DNAJC6: variants seen among roughly 807,000 people sequenced by gnomAD.
The protein encoded by DNAJC6 is DnaJ heat shock protein family (Hsp40) member C6, also known as auxilin.
Under a neutral mutation model 110.0 loss-of-function variants are expected in DNAJC6, and 34 were observed. The ratio of observed to expected loss-of-function variants is 0.31; its 90% CI spans 0.24 to 0.41. The LOEUF (loss-of-function observed/expected upper bound fraction) is 0.41. DNAJC6 is among the 10% of genes least tolerant of loss of function. The pLI is 1.00. For missense variants in DNAJC6, 1,031 were observed against 1,207.8 expected (o/e 0.85, Z 2.17); for synonymous variants, 406 against 437.2 (o/e 0.93, Z 0.89).
At chr1:65,327,945 G>A (rs74622429) in intron 1 of DNAJC6, among the ~76,000 whole-genome samples, 9,007 of 152,122 alleles carry the variant, frequency 0.059, 308 homozygotes, top group Non-Finnish European at 0.079. Context: ...GAACTCCTGG[G>A]CACAAGCAAT....
intron 13 of DNAJC6, among the ~76,000 whole-genome samples, chr1:65,397,604 GT>G (rs1198272837): frequency 6.6e-6 from 1 of 152,104 alleles, no homozygotes; most frequent in East Asian, 1.9e-4. Context: ...GGGTTTGTGG[GT>G]TTGATTAGCA....
In DNAJC6 at chr1:65,406,137, A is replaced by G. The variant is rs749114166; in HGVS notation, c.2491+4A>G. On this transcript the variant is annotated splice_donor_region_variant and intron_variant, in intron 16 of 18. Coordinates refer to ENST00000371069, the MANE Select transcript of DNAJC6 (RefSeq NM_001256864.2). ...GGGAAAGGATCAAGTAATTTGGGTA[A>G]GGATAATGGTATGGGACCTAGCTAT... The G allele has an allele frequency of 1.1e-5, 18 of 1,612,486 alleles. No individual in the cohort carries two copies. In the South Asian group the frequency reaches 2.0e-4, roughly 18 times the overall value.
Position 65,309,772 on chromosome 1 carries a change from A to ACGATGGTT in DNAJC6, c.27_28insCGATGGTT (p.Lys10ArgfsTer22). On this transcript the variant is annotated frameshift_variant, in exon 1 of 19. Coordinates refer to ENST00000371069, the MANE Select transcript of DNAJC6 (RefSeq NM_001256864.2). LOFTEE classifies it high-confidence loss of function. The stretch of plus-strand genomic sequence containing the variant: ...TGAGCCTCCTCGGGAGCTACCGGAA[A>ACGATGGTT]AAGACCAGCAACGATGGTTATGAAT... 2 of 1,547,890 alleles carry ACGATGGTT rather than the reference A, an allele frequency of 1.3e-6. No homozygotes were observed. The highest frequency in any genetic ancestry group is 1.7e-6 in the Non-Finnish European group (2 of 1,145,802).
chr1:65,354,588 C>T (rs1055040768), intron 1 of DNAJC6, among the ~76,000 whole-genome samples: 1 of 152,036 alleles, frequency 6.6e-6, no homozygotes, highest in Non-Finnish European at 1.5e-5. Flanking sequence ...TGTGATTCTC[C>T]CATAGCTTGG....
chr1:65,366,666 G>C (rs2101560439), intron 4 of DNAJC6, among the ~76,000 whole-genome samples: 1 of 152,194 alleles, frequency 6.6e-6, no homozygotes, highest in South Asian at 2.1e-4. Context: ...TTTTGAACTA[G>C]AGAGAGAAAT....
chr1:65,397,484 A>C (rs997696635), intron 13 of DNAJC6, among the ~76,000 whole-genome samples: 1 of 152,220 alleles, frequency 6.6e-6, no homozygotes, highest in African/African-American at 2.4e-5. Context: ...CCTTTTTGAA[A>C]AAATATATTC....
chr1:65,308,333 C>T (rs756725257), upstream of DNAJC6, among the ~76,000 whole-genome samples: 53 of 152,142 alleles, frequency 3.5e-4, no homozygotes, highest in Non-Finnish European at 6.9e-4. Flanking sequence ...TGACTCTTGA[C>T]GGGCGCCTCA....
In DNAJC6 at chr1:65,415,800, A is replaced by C. The variant is rs1352793711; in HGVS notation, c.*2775A>C. 1 of 151,918 alleles carries C rather than the reference A, an allele frequency of 6.6e-6. No homozygotes were observed. Among genetic ancestry groups the C allele is most frequent in the Non-Finnish European group, 1.5e-5 (1 of 67,940 alleles). 9.4% of individuals were successfully genotyped at this position (151,918 alleles called of 1,614,324 possible). A position where few individuals can be genotyped will look rare whatever the true frequency, so the allele number is the denominator to read the frequency against. ...ACACAGTCTGTGTAGGGAATGAGCA[A>C]AAAAGTTGAATTCCAATTGCTTTTT... On this transcript the variant is annotated 3_prime_UTR_variant, in exon 19 of 19. Coordinates refer to ENST00000371069, the MANE Select transcript of DNAJC6 (RefSeq NM_001256864.2).
intron 5 of DNAJC6, among the ~76,000 whole-genome samples, chr1:65,382,042 A>T (rs563346883): frequency 8.0e-4 from 122 of 152,098 alleles, no homozygotes; most frequent in Non-Finnish European, 1.5e-3. Flanking sequence ...AAGAGAGGAG[A>T]TTTTTTCCCA....
In DNAJC6 at chr1:65,401,747, T is replaced by G; in HGVS notation, c.2108-14T>G. The G allele has an allele frequency of 6.2e-7, 1 of 1,606,368 alleles. No homozygotes were observed. Among genetic ancestry groups the G allele is most frequent in the Non-Finnish European group, 8.5e-7 (1 of 1,178,396 alleles). ...ACAACTAACTCATTTTCAATGACCT[T>G]ATTTCCTTTTCAGGAGGCTTTGGAA... On this transcript the variant is annotated splice_polypyrimidine_tract_variant and intron_variant, in intron 14 of 18. Transcript: ENST00000371069.
chr1:65,396,710 CA>C (rs1437214153), intron 13 of DNAJC6, among the ~76,000 whole-genome samples: 1 of 152,152 alleles, frequency 6.6e-6, no homozygotes, highest in African/African-American at 2.4e-5. Flanking sequence ...TTATGTGTTA[CA>C]TTTTTTTGTC....
intron 1 of DNAJC6, among the ~76,000 whole-genome samples, chr1:65,316,570 G>A (rs1645150788): frequency 6.6e-6 from 1 of 152,134 alleles, no homozygotes; most frequent in Non-Finnish European, 1.5e-5. Context: ...TTTATTAGGA[G>A]CCTGATAAAT....
chr1:65,345,665 A>G (rs1645430488), intron 1 of DNAJC6: 1 of 926,688 alleles, frequency 1.1e-6, no homozygotes, highest in Admixed American at 8.2e-5. Flanking sequence ...TGGAGAGTCA[A>G]TTTTTGAGTG....
Position 65,408,678 on chromosome 1 carries a change from C to G in DNAJC6, c.2529C>G (p.Leu843=). The change falls in exon 17 of 19, where the codon CTC becomes CTG. Residue 843 remains leucine, a synonymous_variant. Transcript: ENST00000371069. ...AAGCAGCTGATTTTGAAGACCTACTCTCTGGTCAAGGTTTCAATGCTCACA... is the reference window on the plus strand; with the variant it reads ...AAGCAGCTGATTTTGAAGACCTACTGTCTGGTCAAGGTTTCAATGCTCACA... The part of the protein sequence containing the change: ...KQKAADFEDL[L]SGQGFNAHKD... The G allele has an allele frequency of 6.2e-7, 1 of 1,613,920 alleles. No individual in the cohort carries two copies. Among genetic ancestry groups the G allele is most frequent in the Non-Finnish European group, 8.5e-7 (1 of 1,179,916 alleles).
chr1:65,400,047 G>A lies in DNAJC6; in HGVS notation c.2107+1166G>A, dbSNP rs1391301787. ...ATACAAAAGTTAGCCAGGTATGGTG[G>A]TGTGTGCCTGTAGTCCCAGCTACTT... On this transcript the variant is annotated intron_variant, in intron 14 of 18. Coordinates refer to ENST00000371069, the MANE Select transcript of DNAJC6 (RefSeq NM_001256864.2). Among the ~76,000 whole-genome samples, 4 of 152,138 alleles carry A rather than the reference G, an allele frequency of 2.6e-5. No homozygotes were observed. The South Asian group carries it at 6.2e-4, about 24-fold the overall frequency.
intron 4 of DNAJC6, among the ~76,000 whole-genome samples, chr1:65,373,163 T>G (rs1398383063): frequency 6.6e-6 from 1 of 152,234 alleles, no homozygotes. Context: ...GTGAATAATA[T>G]TTCATTGTAT....
At position 65,302,119 on chromosome 1, in the gene DNAJC6, TATATAAAAA is replaced by T. The variant is rs1188110266; in HGVS notation, c.-131+37193_-131+37201del. 4.7e-4 allele frequency among the ~76,000 whole-genome samples: 7 copies of T among 14,946 alleles called. No individual in the cohort carries two copies. In the African/African-American group the frequency reaches 0.013, roughly 28 times the overall value. 9.8% of individuals were successfully genotyped at this position (14,946 alleles called of 152,430 possible). A position where few individuals can be genotyped will look rare whatever the true frequency, so the allele number is the denominator to read the frequency against. ...ATATATAATATATAATATATATATA[TATATAAAAA>T]ATATATATAATACGTATTATATATA... On this transcript the variant is annotated intron_variant, in intron 1 of 19. Transcript: ENST00000263441.
At chr1:65,378,984 A>G (rs1318030213) in intron 4 of DNAJC6, among the ~76,000 whole-genome samples, 3 of 152,226 alleles carry the variant, frequency 2.0e-5, no homozygotes, top group South Asian at 2.1e-4. Context: ...GGCTCACTCT[A>G]TAGCACTTTT....
intron 1 of DNAJC6, among the ~76,000 whole-genome samples, chr1:65,277,300 A>G (rs947989095): frequency 6.6e-6 from 1 of 152,136 alleles, no homozygotes; most frequent in African/African-American, 2.4e-5. Flanking sequence ...ACCTTTTTTC[A>G]TATGTACTCT....
Sources: gnomAD v4.1 joint callset for allele counts (sites outside exome capture counted in the v4.1 genomes callset) on GRCh38, gnomAD v4.1.1 for gene constraint, MANE v1.5 for transcripts, NCBI Gene and HGNC (gene_info 2026-07-23, HGNC 2026-07-21) for gene names.